CLSTN2: variants seen among roughly 807,000 people sequenced by gnomAD.
The protein encoded by CLSTN2 is calsyntenin-2.
A neutral mutation model predicts 101.2 loss-of-function variants in CLSTN2; 48 were observed. That is an observed-to-expected ratio of 0.47 (90% confidence interval 0.38 to 0.60). The LOEUF (loss-of-function observed/expected upper bound fraction) is 0.60. Ranked by LOEUF, CLSTN2 falls within the 20% of genes least tolerant of loss-of-function variation. The pLI is 0.00. For missense variants in CLSTN2, 1,160 were observed against 1,238.2 expected (o/e 0.94, Z 0.95); for synonymous variants, 481 against 463.6 (o/e 1.04, Z -0.48).
At chr3:139,986,365 C>T (rs1020046364) in intron 1 of CLSTN2, among the ~76,000 whole-genome samples, 1 of 152,076 alleles carries the variant, frequency 6.6e-6, no homozygotes, top group Non-Finnish European at 1.5e-5. Context: ...CATCAATCTC[C>T]TCCCCAGCCC....
chr3:140,439,001 C>T (rs948285180), intron 5 of CLSTN2, among the ~76,000 whole-genome samples: 23 of 152,232 alleles, frequency 1.5e-4, no homozygotes, highest in Admixed American at 9.8e-4. Flanking sequence ...GCCCCCCAGA[C>T]AGCCAGGGTA....
At chr3:140,072,197 T>TAA (rs11381119) in intron 1 of CLSTN2, among the ~76,000 whole-genome samples, 173 of 151,870 alleles carry the variant, frequency 1.1e-3, no homozygotes, top group African/African-American at 3.0e-3. Flanking sequence ...TTATATTTCT[T>TAA]AAAAAAAACA....
chr3:140,043,808 C>G (rs2007810938), intron 1 of CLSTN2, among the ~76,000 whole-genome samples: 1 of 152,070 alleles, frequency 6.6e-6, no homozygotes, highest in African/African-American at 2.4e-5. Context: ...TTGTTTTTGT[C>G]AGGTTTGTCA....
At chr3:140,386,206 T>C (rs896415164) in intron 2 of CLSTN2, among the ~76,000 whole-genome samples, 1 of 152,202 alleles carries the variant, frequency 6.6e-6, no homozygotes, top group Non-Finnish European at 1.5e-5. Flanking sequence ...CCTGAGAAGA[T>C]TGAGACAGGA....
At chr3:140,466,530 G>C (rs1933707278) in intron 7 of CLSTN2, 80 bp from the exon 8 acceptor site, 2 of 1,572,470 alleles carry the variant, frequency 1.3e-6, no homozygotes, top group East Asian at 4.5e-5. Flanking sequence ...GCTGTGCTAA[G>C]TGAGTGAGCA....
At chr3:140,536,865 G>C (rs1431625373) in intron 9 of CLSTN2, among the ~76,000 whole-genome samples, 1 of 152,164 alleles carries the variant, frequency 6.6e-6, no homozygotes, top group African/African-American at 2.4e-5. Flanking sequence ...TGGAATCTGG[G>C]ACAAGGAGAT....
intron 2 of CLSTN2, among the ~76,000 whole-genome samples, chr3:140,265,448 C>T (rs2086687238): frequency 6.6e-6 from 1 of 152,132 alleles, no homozygotes; most frequent in Non-Finnish European, 1.5e-5. Context: ...TACCCAGACC[C>T]CCTGGAATCA....
At chr3:140,082,862 T>C (rs1303516814) in intron 1 of CLSTN2, among the ~76,000 whole-genome samples, 1 of 152,240 alleles carries the variant, frequency 6.6e-6, no homozygotes, top group African/African-American at 2.4e-5. Context: ...ATCTTTTATA[T>C]ATTCTCCATC....
intron 1 of CLSTN2, among the ~76,000 whole-genome samples, chr3:140,098,724 G>C (rs913535838): frequency 2.0e-5 from 3 of 152,230 alleles, no homozygotes; most frequent in African/African-American, 7.2e-5. Context: ...TCTGTTGTCT[G>C]CCTCCCATCT....
At chr3:140,013,347 T>A (rs1351188683) in intron 1 of CLSTN2, among the ~76,000 whole-genome samples, 1 of 152,190 alleles carries the variant, frequency 6.6e-6, no homozygotes, top group Non-Finnish European at 1.5e-5. Context: ...TGCTGCCCTG[T>A]CCCAGCCACA....
chr3:140,415,238 G>A (rs2088415039), intron 4 of CLSTN2, among the ~76,000 whole-genome samples: 1 of 151,962 alleles, frequency 6.6e-6, no homozygotes, highest in African/African-American at 2.4e-5. Flanking sequence ...AAAAACCCTA[G>A]AAGAAAATAC....
Position 140,054,484 on chromosome 3 carries a change from C to T in CLSTN2, c.109+119001C>T, listed in dbSNP as rs558322195. Among the ~76,000 whole-genome samples, 446 of 152,254 alleles carry T rather than the reference C, an allele frequency of 2.9e-3. 3 individuals are homozygous for T. The highest frequency in any genetic ancestry group is 4.3e-3 in the Non-Finnish European group (293 of 68,014). On this transcript the variant is annotated intron_variant, in intron 1 of 16. Transcript: ENST00000458420. ...GGTAAATAATTTGTCCAAGACCACG[C>T]GGTCAGTAAGGGGTGGAGATGACTT... is the stretch of plus-strand genomic sequence containing the variant.
At chr3:140,063,993 C>T (rs183878256) in intron 1 of CLSTN2, among the ~76,000 whole-genome samples, 3 of 152,300 alleles carry the variant, frequency 2.0e-5, no homozygotes, top group Admixed American at 6.5e-5. Context: ...CCTGCCAGGG[C>T]CTTTGCTTCT....
At chr3:140,075,363 C>A (rs1263565000) in intron 1 of CLSTN2, among the ~76,000 whole-genome samples, 1 of 152,120 alleles carries the variant, frequency 6.6e-6, no homozygotes, top group African/African-American at 2.4e-5. Flanking sequence ...ATATACATAT[C>A]TCATAGAACT....
chr3:140,056,505 T>G (rs2008099001), intron 1 of CLSTN2, among the ~76,000 whole-genome samples: 1 of 152,208 alleles, frequency 6.6e-6, no homozygotes, highest in African/African-American at 2.4e-5. Flanking sequence ...AGGACTGAAC[T>G]CTGTATCCTC....
chr3:140,031,216 T>C (rs1447254745), intron 1 of CLSTN2, among the ~76,000 whole-genome samples: 3 of 152,228 alleles, frequency 2.0e-5, no homozygotes, highest in Non-Finnish European at 4.4e-5. Flanking sequence ...TAAATCAAAC[T>C]GGACTTCACA....
chr3:140,157,760 T>A (rs1235143986), intron 1 of CLSTN2, among the ~76,000 whole-genome samples: 1 of 152,216 alleles, frequency 6.6e-6, no homozygotes, highest in Non-Finnish European at 1.5e-5. Flanking sequence ...TAGTTATTTA[T>A]TTTCTTCTAC....
chr3:139,980,576 ACT>A (rs1000500576), intron 1 of CLSTN2, among the ~76,000 whole-genome samples: 2 of 151,266 alleles, frequency 1.3e-5, no homozygotes, highest in East Asian at 3.9e-4. Flanking sequence ...CTTGTTCATC[ACT>A]CTCTCTTTCC....
chr3:140,393,619 C>T (rs940557973), intron 2 of CLSTN2, among the ~76,000 whole-genome samples: 2 of 152,082 alleles, frequency 1.3e-5, no homozygotes, highest in Non-Finnish European at 2.9e-5. Context: ...TTTAACTCTC[C>T]AAGGTGTTTC....
Sources: allele counts gnomAD v4.1 joint callset (sites outside exome capture counted in the v4.1 genomes callset), GRCh38; gene constraint gnomAD v4.1.1; transcripts MANE v1.5; gene names NCBI Gene and HGNC (gene_info 2026-07-23, HGNC 2026-07-21).